Variants in MEGF10 observed in about 807,000 individuals in gnomAD.
MEGF10 encodes the protein multiple EGF like domains 10.
A neutral mutation model predicts 147.5 loss-of-function variants in MEGF10; 86 were observed. That is an observed-to-expected ratio of 0.58 (90% confidence interval 0.49 to 0.70). MEGF10 has a LOEUF of 0.70. Ranked by LOEUF, MEGF10 falls within the 30% of genes least tolerant of loss-of-function variation. The pLI is 0.00. For synonymous variants in MEGF10, 478 were observed against 525.5 expected, an observed-to-expected ratio of 0.91 and a Z score of 1.24; for missense variants, 1,329 against 1,487.3, an observed-to-expected ratio of 0.89 and a Z score of 1.75.
Position 127,435,587 on chromosome 5 carries a change from G to A in MEGF10, c.2104+98G>A, listed in dbSNP as rs551224907. The A allele has an allele frequency of 2.5e-6, 3 of 1,186,476 alleles. No homozygotes were observed. The South Asian group carries it at 5.6e-5, about 22-fold the overall frequency. 73.5% of individuals were successfully genotyped at this position (1,186,476 alleles called of 1,614,324 possible). A position where few individuals can be genotyped will look rare whatever the true frequency, so the allele number is the denominator to read the frequency against. Reference sequence around the variant, plus strand: ...TGAGTGTTTTTATATAATCAAGAAAGAATATATGACTAATTAAAAGACACA... The same window carrying A: ...TGAGTGTTTTTATATAATCAAGAAAAAATATATGACTAATTAAAAGACACA... On this transcript the variant is annotated intron_variant, in intron 16 of 24. Coordinates refer to ENST00000503335, the MANE Select transcript of MEGF10 (RefSeq NM_001256545.2).
At chr5:127,251,247 G>A in the MEGF10 span, among the ~76,000 whole-genome samples, 3 of 152,024 alleles carry the variant, frequency 2.0e-5, no homozygotes, top group African/African-American at 7.2e-5. Context: ...AGAGATATTG[G>A]TTAATAAGAT....
intron 20 of MEGF10, among the ~76,000 whole-genome samples, chr5:127,446,938 A>G (rs1032423692): frequency 2.6e-5 from 4 of 152,220 alleles, no homozygotes; most frequent in Non-Finnish European, 5.9e-5. Flanking sequence ...ATCCTTAGTC[A>G]GCAAAGGCCT....
chr5:127,457,136 G>C lies in MEGF10; in HGVS notation c.3241G>C (p.Val1081Leu), dbSNP rs202070491. 6.2e-7 allele frequency: 1 copy of C among 1,611,864 alleles called. No individual in the cohort carries two copies. The highest frequency in any genetic ancestry group is 8.5e-7 in the Non-Finnish European group (1 of 1,179,130). The change falls in exon 25 of 25, where the codon GTG becomes CTG. Residue 1081 changes from valine (V) to leucine (L), a missense_variant. Val to Leu is a conservative substitution (Grantham distance 32, BLOSUM62 1). Around this residue, in one of 3 missense-constraint regions of MEGF10, gnomAD observed 343 missense variants for 377.9 expected, o/e 0.91. Transcript: ENST00000503335. ...NRNVYEVEPT[V>L]SVVQGVFSNN... Reference sequence around the variant, plus strand: ...GTCCTTGGTTATCACAGAACCTACAGTGAGTGTTGTCCAAGGAGTATTCAG... The same window carrying C: ...GTCCTTGGTTATCACAGAACCTACACTGAGTGTTGTCCAAGGAGTATTCAG...
intron 2 of MEGF10, among the ~76,000 whole-genome samples, chr5:127,333,693 C>T (rs1276280708): frequency 6.6e-6 from 1 of 152,152 alleles, no homozygotes; most frequent in African/African-American, 2.4e-5. Context: ...CTGTCTAAAA[C>T]ACTGCCTTGC....
chr5:127,317,776 A>T (rs1009914340), intron 1 of MEGF10, among the ~76,000 whole-genome samples: 5 of 152,198 alleles, frequency 3.3e-5, no homozygotes, highest in African/African-American at 7.2e-5. Context: ...GGGGAGGGAT[A>T]GCATTAGGAG....
intron 1 of MEGF10, among the ~76,000 whole-genome samples, chr5:127,325,831 A>G (rs1003683136): frequency 7.6e-6 from 1 of 131,586 alleles, no homozygotes; most frequent in Non-Finnish European, 1.8e-5. Flanking sequence ...TTGAGAGTAT[A>G]TATATATATA....
chr5:127,332,959 T>A (rs938807846), intron 2 of MEGF10, among the ~76,000 whole-genome samples: 2 of 152,050 alleles, frequency 1.3e-5, no homozygotes, highest in African/African-American at 4.8e-5. Context: ...TGATAATACA[T>A]TGACTGAGGA....
intron 22 of MEGF10, among the ~76,000 whole-genome samples, chr5:127,453,054 C>G (rs1766216974): frequency 6.6e-6 from 1 of 152,160 alleles, no homozygotes; most frequent in Non-Finnish European, 1.5e-5. Flanking sequence ...TCAGTGATCC[C>G]CATGGGACAC....
chr5:127,363,302 CAT>C (rs959660860), intron 4 of MEGF10, among the ~76,000 whole-genome samples: 24 of 152,232 alleles, frequency 1.6e-4, no homozygotes, highest in African/African-American at 5.8e-4. Flanking sequence ...AAAATAGAAA[CAT>C]ATACATAATA....
At chr5:127,397,276 A>T (rs980102290) in intron 6 of MEGF10, among the ~76,000 whole-genome samples, 1 of 152,220 alleles carries the variant, frequency 6.6e-6, no homozygotes. Context: ...ACTCTTAGGG[A>T]TACATACATT....
In MEGF10 at chr5:127,460,436, C is replaced by T. The variant is rs940115703; in HGVS notation, c.*3118C>T. On this transcript the variant is annotated 3_prime_UTR_variant, in exon 25 of 25. Transcript: ENST00000503335. The stretch of plus-strand genomic sequence containing the variant: ...GAGAGTTTAATATGTTTAGCATTAT[C>T]TTTATGGAATTTATATTCACCAATT... 2.6e-5 allele frequency: 4 copies of T among 152,118 alleles called. No homozygotes were observed. Among genetic ancestry groups the T allele is most frequent in the Admixed American group, 1.3e-4 (2 of 15,266 alleles). 9.4% of individuals were successfully genotyped at this position (152,118 alleles called of 1,614,324 possible).
intron 22 of MEGF10, among the ~76,000 whole-genome samples, chr5:127,452,499 C>T (rs1483951831): frequency 6.6e-6 from 1 of 152,178 alleles, no homozygotes; most frequent in Non-Finnish European, 1.5e-5. Flanking sequence ...ACCAAGACGA[C>T]CCTCAGGATC....
chr5:127,372,072 G>A (rs1417949530), intron 5 of MEGF10, among the ~76,000 whole-genome samples: 2 of 152,100 alleles, frequency 1.3e-5, no homozygotes, highest in Non-Finnish European at 2.9e-5. Flanking sequence ...AGATAATTCT[G>A]GAACCAAAAT....
chr5:127,428,689 T>C (rs979524076), intron 13 of MEGF10, among the ~76,000 whole-genome samples: 4 of 152,234 alleles, frequency 2.6e-5, no homozygotes, highest in African/African-American at 9.6e-5. Context: ...GAACTAGACA[T>C]AGAATCAAAA....
chr5:127,433,439 G>C lies in MEGF10; in HGVS notation c.1770G>C (p.Gly590=). Residue 590 remains glycine (G), a synonymous_variant, in exon 14 of 25, where the codon GGG becomes GGC. Transcript: ENST00000503335. Reference sequence around the variant, plus strand: ...CCCTGCCCTGCTACTGTAAAAATGGGGCTTCATGCTCCCCTGATGATGGCA... The same window carrying C: ...CCCTGCCCTGCTACTGTAAAAATGGCGCTTCATGCTCCCCTGATGATGGCA... ...NCSLPCYCKN[G]ASCSPDDGIC... The C allele has an allele frequency of 6.2e-7, 1 of 1,613,960 alleles. No homozygotes were observed. The highest frequency in any genetic ancestry group is 1.7e-5 in the Admixed American group (1 of 59,998).
chr5:127,309,895 A>G (rs1023791495), intron 1 of MEGF10, among the ~76,000 whole-genome samples: 3 of 151,848 alleles, frequency 2.0e-5, no homozygotes, highest in Non-Finnish European at 1.5e-5. Flanking sequence ...GCTCCATTTT[A>G]CATTTCCGTC....
intron 1 of MEGF10, among the ~76,000 whole-genome samples, chr5:127,308,609 A>G (rs1448604533): frequency 1.3e-5 from 2 of 152,132 alleles, no homozygotes; most frequent in African/African-American, 4.8e-5. Flanking sequence ...AAACTATCGC[A>G]AGGACGAAAA....
chr5:127,298,616 T>C (rs760874777), intron 1 of MEGF10, among the ~76,000 whole-genome samples: 52 of 152,186 alleles, frequency 3.4e-4, no homozygotes, highest in Non-Finnish European at 5.7e-4. Context: ...GGCCCATATA[T>C]GCATGATAAT....
At chr5:127,240,977 T>G in the MEGF10 span, among the ~76,000 whole-genome samples, 1 of 152,186 alleles carries the variant, frequency 6.6e-6, no homozygotes, top group Non-Finnish European at 1.5e-5. Flanking sequence ...TGCAAAAGAT[T>G]TTTTCTTCTC....
Sources: gnomAD v4.1 joint callset for allele counts (sites outside exome capture counted in the v4.1 genomes callset) on GRCh38, gnomAD v4.1.1 for gene constraint, gnomAD v4.1.1 regional missense constraint, MANE v1.5 for transcripts, NCBI Gene and HGNC (gene_info 2026-07-23, HGNC 2026-07-21) for gene names.